TOMM70: variants seen among roughly 807,000 people sequenced by gnomAD.
The protein encoded by TOMM70 is mitochondrial import receptor subunit TOM70.
In TOMM70, 13 loss-of-function variants were observed where a neutral mutation model predicts 73.6. The observed-to-expected ratio is 0.18, with a 90% CI of 0.11 to 0.28. TOMM70 has a LOEUF of 0.28. Ranked by LOEUF, TOMM70 falls within the 10% of genes least tolerant of loss-of-function variation. TOMM70 has a pLI of 1.00. For missense variants in TOMM70, 609 were observed against 747.5 expected (o/e 0.81, Z 2.16); for synonymous variants, 257 against 271.2 (o/e 0.95, Z 0.51).
intron 4 of TOMM70, among the ~76,000 whole-genome samples, chr3:100,383,555 ACCACTACAG>A (rs1706660100): frequency 2.0e-5 from 3 of 151,868 alleles, no homozygotes; most frequent in Non-Finnish European, 2.9e-5. Context: ...GAGACTGGGA[ACCACTACAG>A]CCACTACAGC....
rs1706669443 is a variant in TOMM70, at chr3:100,384,584, G to A, written c.630C>T (p.Val210=). The A allele has an allele frequency of 6.3e-7, 1 of 1,575,946 alleles. No individual in the cohort carries two copies. Among genetic ancestry groups the A allele is most frequent in the Non-Finnish European group, 8.6e-7 (1 of 1,163,686 alleles). Residue 210 remains valine, a synonymous_variant, in exon 4 of 12, where the codon GTC becomes GTT. Transcript: ENST00000284320. ...LDNKKECLED[V]TAVCILEGFQ... ...ACCCTTCTAATATACACACAGCAGT[G>A]ACATCTAGAAATGATGAAAAACACA...
intron 10 of TOMM70, among the ~76,000 whole-genome samples, chr3:100,368,819 G>A (rs1706477242): frequency 6.6e-6 from 1 of 152,090 alleles, no homozygotes; most frequent in Non-Finnish European, 1.5e-5. Context: ...CAGATGATCT[G>A]CCTGCCTCGG....
At chr3:100,383,704 T>C (rs1438830606) in intron 4 of TOMM70, among the ~76,000 whole-genome samples, 20 of 152,144 alleles carry the variant, frequency 1.3e-4, no homozygotes, top group Non-Finnish European at 2.8e-4. Flanking sequence ...ATTACTAAAA[T>C]CAATTCAAGA....
At chr3:100,384,097 T>G (rs1406941714) in intron 4 of TOMM70, among the ~76,000 whole-genome samples, 1 of 152,240 alleles carries the variant, frequency 6.6e-6, no homozygotes, top group Non-Finnish European at 1.5e-5. Context: ...ATAGTAAATA[T>G]TTTAGGCTTT....
At chr3:100,366,772 C>G (rs1448756999) in intron 11 of TOMM70, among the ~76,000 whole-genome samples, 1 of 152,182 alleles carries the variant, frequency 6.6e-6, no homozygotes, top group Admixed American at 6.5e-5. Flanking sequence ...TTAGTTAACC[C>G]AGGATCTATG....
At chr3:100,400,229 C>T (rs1377417211) in intron 1 of TOMM70, among the ~76,000 whole-genome samples, 1 of 152,034 alleles carries the variant, frequency 6.6e-6, no homozygotes, top group Admixed American at 6.6e-5. Flanking sequence ...AGGCTCTTAG[C>T]GATTAGGTTG....
At chr3:100,387,643 CTT>C (rs112940589) in intron 1 of TOMM70, among the ~76,000 whole-genome samples, 3 of 135,586 alleles carry the variant, frequency 2.2e-5, no homozygotes, top group Admixed American at 7.6e-5. Flanking sequence ...CACGTATATA[CTT>C]TTTTTTTTTT....
chr3:100,378,971 C>T (rs779745772), intron 5 of TOMM70, among the ~76,000 whole-genome samples: 3 of 152,090 alleles, frequency 2.0e-5, no homozygotes, highest in Non-Finnish European at 2.9e-5. Flanking sequence ...CGCGCCACTA[C>T]ACTCCAGCTT....
rs1451178328 is a variant in TOMM70 at position 100,400,958 on chromosome 3, T to C, written c.-9A>G. The stretch of plus-strand genomic sequence containing the variant: ...GGTTTAGAGGCGGCCATGACAAGTG[T>C]CCTCTGCCACCGCCTCCCTGTCTGT... On this transcript the variant is annotated 5_prime_UTR_variant, in exon 1 of 12. Coordinates refer to ENST00000284320, the MANE Select transcript of TOMM70 (RefSeq NM_014820.5). 7.2e-6 allele frequency: 11 copies of C among 1,527,878 alleles called. No homozygotes were observed. Among genetic ancestry groups the C allele is most frequent in the Non-Finnish European group, 8.7e-6 (10 of 1,143,834 alleles). 94.6% of individuals were successfully genotyped at this position (1,527,878 alleles called of 1,614,324 possible).
chr3:100,400,946 C>T lies in TOMM70; in HGVS notation c.4G>A (p.Ala2Thr). The change falls in exon 1 of 12, where the codon GCC becomes ACC. Residue 2 changes from alanine (A) to threonine (T), a missense_variant. Around this residue, in one of 2 missense-constraint regions of TOMM70, gnomAD observed 177 missense variants for 163.5 expected, o/e 1.08. Coordinates refer to ENST00000284320, the MANE Select transcript of TOMM70 (RefSeq NM_014820.5). ...GCTGCCTCCACAGGTTTAGAGGCGG[C>T]CATGACAAGTGTCCTCTGCCACCGC... M[A>T]ASKPVEAAVV... The T allele has an allele frequency of 1.3e-6, 2 of 1,529,154 alleles. No individual in the cohort carries two copies. Among genetic ancestry groups the T allele is most frequent in the Admixed American group, 2.0e-5 (1 of 50,620 alleles). The allele number at this position is 1,529,154 out of a possible 1,614,324, so 94.7% of individuals were successfully genotyped here.
intron 6 of TOMM70, among the ~76,000 whole-genome samples, chr3:100,376,412 G>A (rs917126826): frequency 1.5e-5 from 2 of 130,292 alleles, no homozygotes; most frequent in Non-Finnish European, 3.0e-5. Context: ...ACCCAGGCTG[G>A]AGTACAGTGG....
At chr3:100,398,316 A>C (rs1421635944) in intron 1 of TOMM70, among the ~76,000 whole-genome samples, 2 of 150,398 alleles carry the variant, frequency 1.3e-5, no homozygotes, top group Non-Finnish European at 1.5e-5. Context: ...CTCAGGAGGC[A>C]GAGGTTGCAG....
At position 100,384,515 on chromosome 3, in the gene TOMM70, T is replaced by C. The variant is rs928536654; in HGVS notation, c.699A>G (p.Lys233=). ...QSMLLADKVL[K]LLGKEKAKEK... is the part of the protein sequence containing the mutation. ...CTTTGGCTTTCTCTTTTCCAAGGAG[T>C]TTAAGAACTTTATCGGCTAACAGCA... is the stretch of plus-strand genomic sequence containing the variant. Residue 233 remains lysine, a synonymous_variant, in exon 4 of 12, where the codon AAA becomes AAG. Coordinates refer to ENST00000284320, the MANE Select transcript of TOMM70 (RefSeq NM_014820.5). 1.2e-6 allele frequency: 2 copies of C among 1,611,302 alleles called. No homozygotes were observed. The highest frequency in any genetic ancestry group is 1.3e-5 in the African/African-American group (1 of 74,896).
In TOMM70 at chr3:100,386,316, C is replaced by T. The variant is rs1706691734; in HGVS notation, c.527G>A (p.Cys176Tyr). 2 of 1,606,408 alleles carry T rather than the reference C, an allele frequency of 1.2e-6. No homozygotes were observed. Among genetic ancestry groups the T allele is most frequent in the Non-Finnish European group, 1.7e-6 (2 of 1,177,236 alleles). ...LQKWKEVAQD[C>Y]TKAVELNPKY... Reference sequence around the variant, plus strand: ...GGGATTAAGTTCAACAGCTTTTGTACAGTCTTGTGCCACTTCTTTCCATTT... The same window carrying T: ...GGGATTAAGTTCAACAGCTTTTGTATAGTCTTGTGCCACTTCTTTCCATTT... Residue 176 changes from cysteine to tyrosine, a missense_variant, in exon 3 of 12, where the codon TGT becomes TAT. By Grantham distance (194) the Cys-to-Tyr change is radical. Coordinates refer to ENST00000284320, the MANE Select transcript of TOMM70 (RefSeq NM_014820.5).
At chr3:100,376,320 T>C (rs1406283743) in intron 6 of TOMM70, among the ~76,000 whole-genome samples, 1 of 151,992 alleles carries the variant, frequency 6.6e-6, no homozygotes, top group Non-Finnish European at 1.5e-5. Context: ...ATTTTTCCCA[T>C]GTTGTGTGAT....
In TOMM70 at chr3:100,384,541, T is replaced by C. The variant is rs1264969216; in HGVS notation, c.673A>G (p.Met225Val). ...TTAAGAACTTTATCGGCTAACAGCA[T>C]GCTTTGTTGATTTTGGAACCCTTCT... is the stretch of plus-strand genomic sequence containing the variant. ...ILEGFQNQQSMLLADKVLKLL... is the reference protein window; with the variant it reads ...ILEGFQNQQSVLLADKVLKLL... The change falls in exon 4 of 12, where the codon ATG becomes GTG. Residue 225 changes from methionine to valine, a missense_variant. Met to Val is a conservative substitution (Grantham distance 21, BLOSUM62 1). Around this residue, in one of 2 missense-constraint regions of TOMM70, gnomAD observed 432 missense variants for 584.1 expected, o/e 0.74. Transcript: ENST00000284320. 21 of 1,610,726 alleles carry C rather than the reference T, an allele frequency of 1.3e-5. No individual in the cohort carries two copies. Among genetic ancestry groups the C allele is most frequent in the Non-Finnish European group, 1.8e-5 (21 of 1,179,042 alleles).
At chr3:100,367,936 G>T in intron 11 of TOMM70, 108 bp downstream of exon 11, 1 of 1,207,464 alleles carries the variant, frequency 8.3e-7, no homozygotes, top group Non-Finnish European at 1.1e-6. Flanking sequence ...GAATAATACA[G>T]GTGAAAAGAG....
intron 3 of TOMM70, among the ~76,000 whole-genome samples, chr3:100,385,355 T>C (rs1053057268): frequency 6.6e-6 from 1 of 152,236 alleles, no homozygotes; most frequent in Non-Finnish European, 1.5e-5. Context: ...AAAACAACAG[T>C]CTTTTCACAC....
At position 100,377,921 on chromosome 3, in the gene TOMM70, A is replaced by G; in HGVS notation, c.885-9T>C. Reference sequence around the variant, plus strand: ...CCTTTAAGTATCCAGAACTGAAAATAAAAACAAACATAGGAAATTATTTAC... The same window carrying G: ...CCTTTAAGTATCCAGAACTGAAAATGAAAACAAACATAGGAAATTATTTAC... On this transcript the variant is annotated splice_polypyrimidine_tract_variant and intron_variant, in intron 5 of 11. Coordinates refer to ENST00000284320, the MANE Select transcript of TOMM70 (RefSeq NM_014820.5). 6.2e-7 allele frequency: 1 copy of G among 1,602,356 alleles called. No individual in the cohort carries two copies. The highest frequency in any genetic ancestry group is 8.5e-7 in the Non-Finnish European group (1 of 1,171,804).
Sources: gnomAD v4.1 joint callset for allele counts (sites outside exome capture counted in the v4.1 genomes callset) on GRCh38, gnomAD v4.1.1 for gene constraint, gnomAD v4.1.1 regional missense constraint, MANE v1.5 for transcripts, NCBI Gene and HGNC (gene_info 2026-07-23, HGNC 2026-07-21) for gene names.